Variants in FTO observed in about 807,000 individuals in gnomAD.
The protein encoded by FTO is alpha-ketoglutarate-dependent dioxygenase FTO.
Under a neutral mutation model 63.9 loss-of-function variants are expected in FTO, and 47 were observed. That is an observed-to-expected ratio of 0.74 (90% confidence interval 0.58 to 0.94). FTO has a LOEUF of 0.94. Ranked by LOEUF, FTO falls within the 40% of genes least tolerant of loss-of-function variation. The pLI is 0.00. For synonymous variants in FTO, 207 were observed against 224.4 expected, an observed-to-expected ratio of 0.92 and a Z score of 0.69; for missense variants, 562 against 618.1, an observed-to-expected ratio of 0.91 and a Z score of 0.96.
At chr16:53,756,705 C>G (rs1209463435) in intron 1 of FTO, among the ~76,000 whole-genome samples, 3 of 152,144 alleles carry the variant, frequency 2.0e-5, no homozygotes, top group African/African-American at 7.2e-5. Flanking sequence ...ATATAGTAAA[C>G]TAAGAGAGAG....
intron 7 of FTO, among the ~76,000 whole-genome samples, chr16:53,918,520 G>T (rs1202451849): frequency 1.3e-5 from 2 of 152,146 alleles, no homozygotes; most frequent in Non-Finnish European, 2.9e-5. Context: ...ACTCTATTTA[G>T]CGAATCAGTA....
chr16:53,851,753 A>T (rs1402606589), intron 4 of FTO, among the ~76,000 whole-genome samples: 1 of 151,984 alleles, frequency 6.6e-6, no homozygotes, highest in East Asian at 1.9e-4. Flanking sequence ...TCAGTATGTC[A>T]TTCATATTAT....
intron 7 of FTO, among the ~76,000 whole-genome samples, chr16:53,898,057 A>C (rs948383882): frequency 2.6e-5 from 4 of 152,152 alleles, no homozygotes; most frequent in African/African-American, 9.7e-5. Context: ...CCCTATGTCC[A>C]TCCCAGTCAG....
At chr16:54,004,296 G>T (rs185279876) in intron 8 of FTO, among the ~76,000 whole-genome samples, 13 of 152,052 alleles carry the variant, frequency 8.5e-5, no homozygotes, top group Non-Finnish European at 1.2e-4. Context: ...AGAGGCGGAG[G>T]GGGGAGGATC....
Position 53,852,822 on chromosome 16 carries a change from CT to C in FTO, c.895+8533del, listed in dbSNP as rs1024893660. Among the ~76,000 whole-genome samples, 13 of 151,386 alleles carry C rather than the reference CT, an allele frequency of 8.6e-5. No homozygotes were observed. The South Asian group carries it at 1.3e-3, about 15-fold the overall frequency. On this transcript the variant is annotated intron_variant, in intron 4 of 8. Transcript: ENST00000471389. ...TCTCCCCCTGGAGACTTATATTCGTCTTTTTTTTTACTCTTACTGATAGAAG... is the reference window on the plus strand; with the variant it reads ...TCTCCCCCTGGAGACTTATATTCGTCTTTTTTTTACTCTTACTGATAGAAG...
chr16:53,754,822 A>G (rs2076881285), intron 1 of FTO, among the ~76,000 whole-genome samples: 5 of 152,176 alleles, frequency 3.3e-5, no homozygotes, highest in Non-Finnish European at 1.5e-5. Context: ...AGAAGTAACA[A>G]ATCTTTTTTT....
At chr16:53,774,018 A>G (rs1414704115) in intron 1 of FTO, among the ~76,000 whole-genome samples, 2 of 152,164 alleles carry the variant, frequency 1.3e-5, no homozygotes, top group Non-Finnish European at 2.9e-5. Context: ...GTTCGGCCCC[A>G]TTTAATTCTT....
intron 8 of FTO, among the ~76,000 whole-genome samples, chr16:53,978,698 T>TA (rs1333072141): frequency 6.6e-6 from 1 of 151,980 alleles, no homozygotes; most frequent in Non-Finnish European, 1.5e-5. Context: ...AAAAGGAAAA[T>TA]AAAAATTACC....
chr16:53,818,825 C>A (rs1368077420), intron 2 of FTO, among the ~76,000 whole-genome samples: 1 of 152,026 alleles, frequency 6.6e-6, no homozygotes, highest in African/African-American at 2.4e-5. Context: ...ACCATTTTCC[C>A]TTCTAAACCC....
chr16:54,097,245 A>G (rs1036661535), intron 8 of FTO, among the ~76,000 whole-genome samples: 1 of 152,170 alleles, frequency 6.6e-6, no homozygotes, highest in African/African-American at 2.4e-5. Context: ...TAGTGGCAGA[A>G]CTGGGTCTTT....
chr16:54,010,657 C>T (rs978549404), intron 8 of FTO, among the ~76,000 whole-genome samples: 7 of 152,114 alleles, frequency 4.6e-5, no homozygotes, highest in Admixed American at 3.9e-4. Flanking sequence ...TTCATGTAGG[C>T]GAGCAATTTA....
At chr16:54,037,554 G>A (rs1412059336) in intron 8 of FTO, among the ~76,000 whole-genome samples, 1 of 152,220 alleles carries the variant, frequency 6.6e-6, no homozygotes, top group African/African-American at 2.4e-5. Context: ...AGAGCATCTA[G>A]TGTATCTTTT....
intron 1 of FTO, among the ~76,000 whole-genome samples, chr16:53,705,693 T>TA (rs1244151701): frequency 1.3e-5 from 2 of 152,184 alleles, no homozygotes; most frequent in African/African-American, 4.8e-5. Flanking sequence ...GATAATATAT[T>TA]AAAGATAAGC....
intron 4 of FTO, among the ~76,000 whole-genome samples, chr16:53,857,713 G>GAGGTGACGT (rs1483119983): frequency 1.3e-5 from 2 of 152,156 alleles, no homozygotes; most frequent in East Asian, 3.9e-4. Flanking sequence ...GCTTCAGGGA[G>GAGGTGACGT]AGGTGACGTA....
At chr16:53,991,698 T>G (rs1405435974) in intron 8 of FTO, 3 of 152,160 alleles carry the variant, frequency 2.0e-5, no homozygotes, top group Non-Finnish European at 4.4e-5. Flanking sequence ...GGCTTTTCTT[T>G]CCAAATCCTA....
chr16:54,010,883 T>G (rs1467267211), intron 8 of FTO, among the ~76,000 whole-genome samples: 3 of 152,216 alleles, frequency 2.0e-5, no homozygotes, highest in African/African-American at 7.2e-5. Flanking sequence ...ACCAACATCT[T>G]TCTCTGATTC....
At chr16:53,836,877 T>C (rs2079308939) in intron 3 of FTO, among the ~76,000 whole-genome samples, 1 of 152,176 alleles carries the variant, frequency 6.6e-6, no homozygotes, top group Non-Finnish European at 1.5e-5. Flanking sequence ...AACTGGGTAT[T>C]GGGTGTGTAC....
intron 1 of FTO, among the ~76,000 whole-genome samples, chr16:53,761,817 C>T (rs758127858): frequency 5.3e-5 from 8 of 152,126 alleles, no homozygotes; most frequent in South Asian, 2.1e-4. Flanking sequence ...GATTACCTTA[C>T]GGCTCCTTAT....
In FTO at chr16:53,881,049, G is replaced by A. The variant is rs572459247; in HGVS notation, c.1119+1062G>A. Among the ~76,000 whole-genome samples, 5 of 151,222 alleles carry A rather than the reference G, an allele frequency of 3.3e-5. No individual in the cohort carries two copies. The South Asian group carries it at 1.0e-3, about 31-fold the overall frequency. On this transcript the variant is annotated intron_variant, in intron 6 of 8. Coordinates refer to ENST00000471389, the MANE Select transcript of FTO (RefSeq NM_001080432.3). ...AAGCAGGAGAATGGCATGAACCTGC[G>A]AGGCGGAGCTTGCAGTGAGCCAAGA...
Sources: allele counts gnomAD v4.1 joint callset (sites outside exome capture counted in the v4.1 genomes callset), GRCh38; gene constraint gnomAD v4.1.1; transcripts MANE v1.5; gene names NCBI Gene and HGNC (gene_info 2026-07-23, HGNC 2026-07-21).